Variants in PTGER3 observed in about 807,000 individuals in gnomAD.
PTGER3 encodes prostaglandin E2 receptor EP3 subtype.
Under a neutral mutation model 34.7 loss-of-function variants are expected in PTGER3, and 22 were observed. The ratio of observed to expected loss-of-function variants is 0.63; its 90% confidence interval spans 0.45 to 0.91. The LOEUF is 0.91. PTGER3 is among the 40% of genes least tolerant of loss of function. PTGER3 has a pLI of 0.00. For missense variants in PTGER3, 468 were observed against 519.4 expected (o/e 0.90, Z 0.96); for synonymous variants, 241 against 230.1 (o/e 1.05, Z -0.43).
chr1:71,016,513 T>C (rs1006896394), intron 1 of PTGER3, among the ~76,000 whole-genome samples: 3 of 152,128 alleles, frequency 2.0e-5, no homozygotes, highest in Non-Finnish European at 4.4e-5. Context: ...TAAAATTGTA[T>C]GTACACAGGC....
At chr1:71,013,050 C>G (rs536886305) in intron 1 of PTGER3, among the ~76,000 whole-genome samples, 12 of 152,100 alleles carry the variant, frequency 7.9e-5, no homozygotes, top group Non-Finnish European at 1.5e-4. Context: ...ATTACCACTT[C>G]CTTCTGGATG....
chr1:70,900,925 G>A (rs1274872496), intron 4 of PTGER3, among the ~76,000 whole-genome samples: 3 of 152,050 alleles, frequency 2.0e-5, no homozygotes, highest in Non-Finnish European at 2.9e-5. Flanking sequence ...TATGTATGAT[G>A]GACCAGTAGG....
At chr1:70,953,585 T>C (rs767353688) in intron 3 of PTGER3, among the ~76,000 whole-genome samples, 1 of 152,158 alleles carries the variant, frequency 6.6e-6, no homozygotes, top group Admixed American at 6.5e-5. Context: ...GTTGTTGTTG[T>C]TGCTGCTGCT....
At chr1:70,886,237 T>C (rs1266652866) in intron 4 of PTGER3, 1 of 430,088 alleles carries the variant, frequency 2.3e-6, no homozygotes, top group East Asian at 7.5e-5. Flanking sequence ...GAGGATACAA[T>C]GAGAAGACTG....
At chr1:70,981,476 C>T (rs1389939122) in intron 2 of PTGER3, among the ~76,000 whole-genome samples, 1 of 151,224 alleles carries the variant, frequency 6.6e-6, no homozygotes. Flanking sequence ...CGCAGTGGCA[C>T]AATCACAGCT....
intron 4 of PTGER3, among the ~76,000 whole-genome samples, chr1:70,925,409 A>G (rs2100464187): frequency 6.6e-6 from 1 of 152,352 alleles, no homozygotes; most frequent in South Asian, 2.1e-4. Flanking sequence ...CTGTAATACA[A>G]TAAATGCACT....
chr1:70,886,883 T>C (rs945235712), intron 4 of PTGER3, among the ~76,000 whole-genome samples: 5 of 152,140 alleles, frequency 3.3e-5, no homozygotes, highest in Admixed American at 6.5e-5. Context: ...TGGATCAAGG[T>C]TTGTTTGACC....
chr1:70,859,130 A>C (rs1476086642), intron 4 of PTGER3, among the ~76,000 whole-genome samples: 1 of 152,086 alleles, frequency 6.6e-6, no homozygotes, highest in Admixed American at 6.6e-5. Context: ...ACTGTCCCCC[A>C]CTTTCTCTGC....
intron 1 of PTGER3, among the ~76,000 whole-genome samples, chr1:71,028,294 G>A (rs955832990): frequency 1.3e-5 from 2 of 152,044 alleles, no homozygotes; most frequent in Non-Finnish European, 2.9e-5. Flanking sequence ...AAGTTAACCA[G>A]GAAGCACGTA....
At chr1:70,853,695 A>C (rs186576965) in intron 4 of PTGER3, among the ~76,000 whole-genome samples, 67 of 152,316 alleles carry the variant, frequency 4.4e-4, no homozygotes, top group African/African-American at 1.5e-3. Flanking sequence ...AAATAAGAAA[A>C]AGAAAAAACG....
intron 4 of PTGER3, among the ~76,000 whole-genome samples, chr1:70,861,135 A>C (rs1209018196): frequency 6.6e-6 from 1 of 152,140 alleles, no homozygotes; most frequent in African/African-American, 2.4e-5. Flanking sequence ...ACCAGAAAGA[A>C]CTGCAAAGGG....
exon 5 of PTGER3, chr1:70,852,731 A>C: frequency 7.5e-7 from 1 of 1,340,326 alleles, no homozygotes; most frequent in Non-Finnish European, 1.1e-6. Context: ...TGGGGGAAGA[A>C]GTAAAAGAGA....
In PTGER3 at chr1:71,046,723, C is replaced by T. The variant is rs781452899; in HGVS notation, c.855G>A (p.Met285Ile). The change falls in exon 1 of 4, where the codon ATG becomes ATA. Residue 285 changes from methionine (M) to isoleucine (I), a missense_variant. By Grantham distance (10) the Met-to-Ile change is conservative. This residue lies in a region of PTGER3 where 204 missense variants were observed against 230.8 expected (regional missense o/e 0.88). Coordinates refer to ENST00000306666, the MANE Select transcript of PTGER3 (RefSeq NM_198719.2). ...AGACCGACAGCACGCACATGATCCC[C>T]ATAAGCTGAATGGCCGTCTCGGTCG... ...RITTETAIQL[M>I]GIMCVLSVCW... 3.7e-6 allele frequency: 6 copies of T among 1,608,448 alleles called. No individual in the cohort carries two copies. In the South Asian group the frequency reaches 6.6e-5, roughly 18 times the overall value.
At chr1:71,010,618 G>A in intron 2 of PTGER3, 1 of 984,824 alleles carries the variant, frequency 1.0e-6, no homozygotes, top group Non-Finnish European at 1.2e-6. Context: ...TTGAAAAAAA[G>A]TAGGTAGTTT....
At chr1:71,032,445 T>C (rs1659491039) in intron 1 of PTGER3, among the ~76,000 whole-genome samples, 1 of 152,186 alleles carries the variant, frequency 6.6e-6, no homozygotes, top group Non-Finnish European at 1.5e-5. Context: ...TTCAGTAAAA[T>C]ATTGTATTAT....
At chr1:70,855,440 G>C (rs1179887456) in intron 4 of PTGER3, among the ~76,000 whole-genome samples, 3 of 152,106 alleles carry the variant, frequency 2.0e-5, no homozygotes, top group African/African-American at 7.2e-5. Flanking sequence ...TATACACTTA[G>C]AAATGGTCAA....
chr1:71,018,587 T>C (rs1658124443), intron 1 of PTGER3, among the ~76,000 whole-genome samples: 1 of 152,164 alleles, frequency 6.6e-6, no homozygotes, highest in African/African-American at 2.4e-5. Context: ...GAAAGTGTTC[T>C]GGGCCTCGTC....
At chr1:70,907,638 C>T (rs114301931) in intron 4 of PTGER3, among the ~76,000 whole-genome samples, 2 of 152,156 alleles carry the variant, frequency 1.3e-5, no homozygotes, top group South Asian at 2.1e-4. Flanking sequence ...ATGAATGGTA[C>T]TTTTGCGATC....
chr1:70,989,115 T>G (rs1655198017), intron 2 of PTGER3, among the ~76,000 whole-genome samples: 1 of 152,166 alleles, frequency 6.6e-6, no homozygotes, highest in Non-Finnish European at 1.5e-5. Context: ...AATAAAAATC[T>G]GCTCTGCCCT....
Sources: gnomAD v4.1 joint callset for allele counts (sites outside exome capture counted in the v4.1 genomes callset) on GRCh38, gnomAD v4.1.1 for gene constraint, gnomAD v4.1.1 regional missense constraint, MANE v1.5 for transcripts, NCBI Gene and HGNC (gene_info 2026-07-23, HGNC 2026-07-21) for gene names.